RPL26L1: variants seen among roughly 807,000 people sequenced by gnomAD.
The protein encoded by RPL26L1 is ribosomal protein uL24-like.
Under a neutral mutation model 15.2 loss-of-function variants are expected in RPL26L1, and 8 were observed. That is an observed-to-expected ratio of 0.53 (90% CI 0.31 to 0.95). RPL26L1 has a LOEUF of 0.95. Among genes scored for constraint, RPL26L1 ranks in the 40% least tolerant of loss-of-function variants. The pLI is 0.05. For missense variants in RPL26L1, 146 were observed against 190.9 expected, an observed-to-expected ratio of 0.76 and a Z score of 1.39; for synonymous variants, 51 against 65.9, an observed-to-expected ratio of 0.77 and a Z score of 1.09.
chr5:172,966,313 A>ATTTTTTTTTTTTTTTTT (rs386405707), intron 2 of RPL26L1, among the ~76,000 whole-genome samples: 1 of 63,664 alleles, frequency 1.6e-5, no homozygotes, highest in Non-Finnish European at 2.7e-5. Flanking sequence ...CTGGCTAACT[A>ATTTTTTTTTTTTTTTTT]TTTTTTTTTT....
chr5:172,964,281 CTTTTTTTT>C (rs1204432096), intron 2 of RPL26L1, among the ~76,000 whole-genome samples: 1 of 99,234 alleles, frequency 1.0e-5, no homozygotes, highest in Non-Finnish European at 2.0e-5. Context: ...GGCCTGTTGC[CTTTTTTTT>C]TTTTTTTTTT....
intron 2 of RPL26L1, 98 bp from the exon 3 acceptor site, chr5:172,968,359 CAA>C: frequency 1.4e-6 from 2 of 1,448,396 alleles, no homozygotes. Context: ...CTGCTTTTGA[CAA>C]AGTTATATGT....
upstream of RPL26L1, chr5:172,957,604 A>G: frequency 3.8e-6 from 1 of 265,790 alleles, no homozygotes; most frequent in South Asian, 3.6e-5. Flanking sequence ...GTGAATAAAC[A>G]GAACCAGTGA....
At chr5:172,954,704 C>T (rs1764317309), upstream of RPL26L1, 2 of 290,922 alleles carry the variant, frequency 6.9e-6, no homozygotes, top group South Asian at 6.2e-5. Flanking sequence ...TGGAGGGGAA[C>T]ACCGATACAG....
chr5:172,961,499 A>G (rs745471482), intron 2 of RPL26L1, among the ~76,000 whole-genome samples: 12 of 152,110 alleles, frequency 7.9e-5, no homozygotes, highest in Non-Finnish European at 1.6e-4. Flanking sequence ...CCTAGCCCAC[A>G]TTTCCTTCCA....
At position 172,962,420 on chromosome 5, in the gene RPL26L1, A is replaced by G. The variant is rs146296412; in HGVS notation, c.168+2379A>G. Reference sequence around the variant, plus strand: ...CTACTCGGGAGGCTGAAGCATGACAATCGCTTGAACCCGGGAGGCGGAGGT... The same window carrying G: ...CTACTCGGGAGGCTGAAGCATGACAGTCGCTTGAACCCGGGAGGCGGAGGT... On this transcript the variant is annotated intron_variant, in intron 2 of 3. Transcript: ENST00000265100. Among the ~76,000 whole-genome samples, 261 of 152,228 alleles carry G rather than the reference A, an allele frequency of 1.7e-3. 1 individual carries two copies. The highest frequency in any genetic ancestry group is 6.0e-3 in the African/African-American group (249 of 41,534).
upstream of RPL26L1, among the ~76,000 whole-genome samples, chr5:172,956,273 G>C (rs1024409412): frequency 6.6e-6 from 1 of 152,134 alleles, no homozygotes; most frequent in Non-Finnish European, 1.5e-5. Flanking sequence ...GGATCATACT[G>C]TTCATATTAT....
At chr5:172,965,684 T>A (rs1755424893) in intron 2 of RPL26L1, among the ~76,000 whole-genome samples, 1 of 152,190 alleles carries the variant, frequency 6.6e-6, no homozygotes, top group Non-Finnish European at 1.5e-5. Flanking sequence ...TCCCATTCGC[T>A]CTGGCCACAT....
chr5:172,955,186 T>C (rs1764331375), upstream of RPL26L1: 3 of 346,142 alleles, frequency 8.7e-6, no homozygotes, highest in African/African-American at 4.8e-5. Context: ...TGGAGTGCAA[T>C]GGCGCGATAT....
At chr5:172,955,869 G>A (rs1754955473), upstream of RPL26L1, 1 of 152,192 alleles carries the variant, frequency 6.6e-6, no homozygotes, top group East Asian at 1.9e-4. Context: ...AGTAAAGATG[G>A]AATTCATACC....
upstream of RPL26L1, among the ~76,000 whole-genome samples, chr5:172,954,296 G>T (rs890137260): frequency 6.6e-6 from 1 of 152,156 alleles, no homozygotes; most frequent in Non-Finnish European, 1.5e-5. Flanking sequence ...GAGGCCGGAC[G>T]CGATGGTTCA....
chr5:172,954,630 T>A (rs1453933140), upstream of RPL26L1, among the ~76,000 whole-genome samples: 2 of 150,688 alleles, frequency 1.3e-5, no homozygotes, highest in Non-Finnish European at 3.0e-5. Context: ...AAGGTGGGTG[T>A]GGAGAGGGAG....
At chr5:172,959,727 G>A in intron 1 of RPL26L1, 138 bp from the exon 2 acceptor site, 1 of 1,152,492 alleles carries the variant, frequency 8.7e-7, no homozygotes, top group South Asian at 1.4e-5. Context: ...GCATCTCTCT[G>A]TCCTCCCTCA....
intron 2 of RPL26L1, among the ~76,000 whole-genome samples, chr5:172,962,797 C>CA (rs1755290878): frequency 8.9e-6 from 1 of 112,540 alleles, no homozygotes; most frequent in Non-Finnish European, 1.7e-5. Flanking sequence ...GCCTGGGTGA[C>CA]AGAGTGAGGC....
At chr5:172,962,925 C>A (rs1332142950) in intron 2 of RPL26L1, among the ~76,000 whole-genome samples, 1 of 151,198 alleles carries the variant, frequency 6.6e-6, no homozygotes, top group Non-Finnish European at 1.5e-5. Flanking sequence ...AAAATGATTT[C>A]AAATTGTGTT....
At chr5:172,954,453 C>T (rs1764306939), upstream of RPL26L1, among the ~76,000 whole-genome samples, 1 of 133,292 alleles carries the variant, frequency 7.5e-6, no homozygotes, top group Admixed American at 7.7e-5. Flanking sequence ...GTCCCAGCCA[C>T]CTGGGAGGCT....
At chr5:172,967,914 C>T (rs990255988) in intron 2 of RPL26L1, among the ~76,000 whole-genome samples, 7 of 151,082 alleles carry the variant, frequency 4.6e-5, no homozygotes, top group African/African-American at 1.5e-4. Flanking sequence ...AATACATATA[C>T]GCACATATGT....
chr5:172,959,479 G>A lies in RPL26L1; in HGVS notation c.-10+11G>A. ...GCAGCTAGTAGCCGGGTGAGTGGAG[G>A]CTGGAGTTTTCTCGGACAGTGAACT... On this transcript the variant is annotated intron_variant, in intron 1 of 3. Coordinates refer to ENST00000265100, the MANE Select transcript of RPL26L1 (RefSeq NM_016093.4). 9.8e-7 allele frequency: 1 copy of A among 1,024,646 alleles called. No homozygotes were observed. The highest frequency in any genetic ancestry group is 1.2e-6 in the Non-Finnish European group (1 of 850,126). The allele number at this position is 1,024,646 out of a possible 1,614,324, so 63.5% of individuals were successfully genotyped here.
chr5:172,958,362 C>G (rs1413996073), upstream of RPL26L1: 1 of 455,970 alleles, frequency 2.2e-6, no homozygotes, highest in Non-Finnish European at 4.4e-6. Flanking sequence ...AGAGAGAGCA[C>G]GGGACCTGCC....
Sources: allele counts gnomAD v4.1 joint callset (sites outside exome capture counted in the v4.1 genomes callset), GRCh38; gene constraint gnomAD v4.1.1; transcripts MANE v1.5; gene names NCBI Gene and HGNC (gene_info 2026-07-23, HGNC 2026-07-21).